The following DPY19L2 variants were observed in gnomAD, a reference collection of about 807,000 sequenced individuals.
DPY19L2 encodes the protein dpy-19 like 2.
DPY19L2 carries 34 observed loss-of-function variants against 97.9 expected under a neutral mutation model. The ratio of observed to expected loss-of-function variants is 0.35; its 90% CI spans 0.26 to 0.46. The LOEUF is 0.46. Among genes scored for constraint, DPY19L2 ranks in the 20% least tolerant of loss-of-function variants. The pLI, the probability that DPY19L2 is intolerant of heterozygous loss-of-function variation, is 1.00. For missense variants in DPY19L2, 623 were observed against 911.4 expected (o/e 0.68, Z 4.07); for synonymous variants, 230 against 307.9 (o/e 0.75, Z 2.65).
rs1233578196 is a variant in DPY19L2 at position 63,631,791 on chromosome 12, A to T, written c.804-5265T>A. Among the ~76,000 whole-genome samples the T allele has an allele frequency of 2.2e-4, 34 of 152,246 alleles. 1 individual carries two copies. The highest frequency in any genetic ancestry group is 6.7e-4 in the African/African-American group (28 of 41,562). Reference sequence around the variant, plus strand: ...GAGAATTTTAGACCAATATCCCTGAAGAACATTAATGCAAAATTCCTCAAT... The same window carrying T: ...GAGAATTTTAGACCAATATCCCTGATGAACATTAATGCAAAATTCCTCAAT... On this transcript the variant is annotated intron_variant, in intron 6 of 21. Transcript: ENST00000324472.
At chr12:63,595,053 C>T (rs1187168107) in intron 15 of DPY19L2, among the ~76,000 whole-genome samples, 1 of 152,146 alleles carries the variant, frequency 6.6e-6, no homozygotes, top group African/African-American at 2.4e-5. Context: ...AAGGGTGAAA[C>T]AACAGAGATG....
At chr12:63,653,880 CACA>C (rs1440134797) in intron 4 of DPY19L2, among the ~76,000 whole-genome samples, 1 of 151,852 alleles carries the variant, frequency 6.6e-6, no homozygotes, top group Non-Finnish European at 1.5e-5. Context: ...AACAAAATGG[CACA>C]ACACTTGCCG....
intron 19 of DPY19L2, among the ~76,000 whole-genome samples, chr12:63,576,899 C>G (rs1243549884): frequency 1.3e-5 from 2 of 152,012 alleles, no homozygotes; most frequent in African/African-American, 4.8e-5. Flanking sequence ...CCCCATCAAA[C>G]TACTAATGAT....
At chr12:63,594,242 T>C in intron 15 of DPY19L2, 109 bp from the exon 16 acceptor site, 1 of 838,880 alleles carries the variant, frequency 1.2e-6, no homozygotes, top group East Asian at 3.1e-5. Flanking sequence ...TATTTTTTAA[T>C]GTTTAAGGGA....
intron 4 of DPY19L2, among the ~76,000 whole-genome samples, chr12:63,652,598 A>G (rs141922153): frequency 0.018 from 2,724 of 152,316 alleles, 102 homozygotes; most frequent in African/African-American, 0.062. Flanking sequence ...CAGCCATTAT[A>G]AAGAACAAGA....
chr12:63,663,347 T>C (rs938588038), intron 3 of DPY19L2, among the ~76,000 whole-genome samples: 4 of 152,132 alleles, frequency 2.6e-5, no homozygotes, highest in African/African-American at 9.7e-5. Context: ...AAAAGTTATC[T>C]CTTAAAAGAG....
chr12:63,639,423 T>C (rs1892311723), intron 6 of DPY19L2, among the ~76,000 whole-genome samples: 1 of 152,044 alleles, frequency 6.6e-6, no homozygotes. Flanking sequence ...ACCTACAGAA[T>C]GGGAGAAAAT....
In DPY19L2 at chr12:63,627,803, CAG is replaced by C. The variant is rs573824006; in HGVS notation, c.804-1279_804-1278del. ...TAACACATTCTAAGCACCATGAGGACAGGGACAGGTTCTTTATCTGTCTTGTT... is the reference window on the plus strand; with the variant it reads ...TAACACATTCTAAGCACCATGAGGACGGACAGGTTCTTTATCTGTCTTGTT... On this transcript the variant is annotated intron_variant, in intron 6 of 21. Coordinates refer to ENST00000324472, the MANE Select transcript of DPY19L2 (RefSeq NM_173812.5). Among the ~76,000 whole-genome samples, 365 of 152,240 alleles carry C rather than the reference CAG, an allele frequency of 2.4e-3. 2 individuals are homozygous for C. Among genetic ancestry groups the C allele is most frequent in the African/African-American group, 8.6e-3 (357 of 41,538 alleles).
intron 15 of DPY19L2, among the ~76,000 whole-genome samples, chr12:63,594,648 GTGT>G (rs1883880929): frequency 3.9e-5 from 5 of 127,202 alleles, no homozygotes; most frequent in African/African-American, 1.6e-4. Context: ...GTGTGTGTGC[GTGT>G]CTGTGTGTGT....
intron 6 of DPY19L2, among the ~76,000 whole-genome samples, chr12:63,634,297 A>G (rs538335473): frequency 6.6e-6 from 1 of 152,284 alleles, no homozygotes; most frequent in South Asian, 2.1e-4. Flanking sequence ...AATGATGGTA[A>G]TAACATGTAA....
Position 63,668,476 on chromosome 12 carries a change from T to G in DPY19L2, c.-83A>C, listed in dbSNP as rs1592797363. The G allele has an allele frequency of 2.2e-6, 3 of 1,366,472 alleles. No homozygotes were observed. The highest frequency in any genetic ancestry group is 2.9e-6 in the Non-Finnish European group (3 of 1,030,102). The allele number at this position is 1,366,472 out of a possible 1,614,324, so 84.6% of individuals were successfully genotyped here. ...GAGGTCCAGAGAGACCTGACTCGCCTGGCAGCCTCAACGGACTTGTCCCCG... is the reference window on the plus strand; with the variant it reads ...GAGGTCCAGAGAGACCTGACTCGCCGGGCAGCCTCAACGGACTTGTCCCCG... On this transcript the variant is annotated 5_prime_UTR_variant, in exon 1 of 22. Transcript: ENST00000324472.
chr12:63,668,381 C>T lies in DPY19L2; in HGVS notation c.13G>A (p.Gly5Arg). The T allele has an allele frequency of 6.2e-7, 1 of 1,611,594 alleles. No individual in the cohort carries two copies. The highest frequency in any genetic ancestry group is 8.5e-7 in the Non-Finnish European group (1 of 1,179,136). The change falls in exon 1 of 22, where the codon GGA (glycine) becomes AGA (arginine). Residue 5 changes from glycine to arginine, a missense_variant. Transcript: ENST00000324472. ...GATTGCAGCCGCTTTGAGCTTACTC[C>T]TTGTTTTCTCATAATCAAGGAGTAT... MRKQ[G>R]VSSKRLQSSG... is the part of the protein sequence containing the mutation.
intron 4 of DPY19L2, among the ~76,000 whole-genome samples, chr12:63,657,260 G>T (rs1490496794): frequency 6.6e-6 from 1 of 152,134 alleles, no homozygotes; most frequent in Non-Finnish European, 1.5e-5. Flanking sequence ...GCTGGAGTTT[G>T]TTGCCGCTAT....
chr12:63,615,652 A>G (rs1434487059), intron 11 of DPY19L2, among the ~76,000 whole-genome samples: 1 of 152,208 alleles, frequency 6.6e-6, no homozygotes, highest in Non-Finnish European at 1.5e-5. Context: ...GATATGCAGG[A>G]AACTTGTAGC....
At chr12:63,596,621 A>G (rs971346202) in intron 14 of DPY19L2, among the ~76,000 whole-genome samples, 1 of 152,332 alleles carries the variant, frequency 6.6e-6, no homozygotes, top group Non-Finnish European at 1.5e-5. Context: ...ATGGATAACT[A>G]GTGGTCAATA....
chr12:63,592,915 T>A (rs955867128), intron 16 of DPY19L2, among the ~76,000 whole-genome samples: 2 of 151,380 alleles, frequency 1.3e-5, no homozygotes, highest in African/African-American at 4.9e-5. Flanking sequence ...ATATCCAGAA[T>A]CTACAATGAA....
At chr12:63,630,801 A>G (rs939447718) in intron 6 of DPY19L2, among the ~76,000 whole-genome samples, 8 of 152,140 alleles carry the variant, frequency 5.3e-5, no homozygotes, top group African/African-American at 1.4e-4. Context: ...TTCCAAAATT[A>G]ACCACATAGT....
chr12:63,576,118 G>A (rs553944822), intron 19 of DPY19L2, among the ~76,000 whole-genome samples: 5 of 151,896 alleles, frequency 3.3e-5, no homozygotes, highest in Non-Finnish European at 7.4e-5. Flanking sequence ...ATTTATCTCA[G>A]GGATGCAAAG....
At position 63,663,953 on chromosome 12, in the gene DPY19L2, A is replaced by AT. The variant is rs1239651299; in HGVS notation, c.363-109dup. 11 of 687,766 alleles carry AT rather than the reference A, an allele frequency of 1.6e-5. No homozygotes were observed. The East Asian group carries it at 3.6e-4, about 22-fold the overall frequency. 42.6% of individuals were successfully genotyped at this position (687,766 alleles called of 1,614,324 possible). A position where few individuals can be genotyped will look rare whatever the true frequency, so the allele number is the denominator to read the frequency against. On this transcript the variant is annotated intron_variant, in intron 2 of 21. Coordinates refer to ENST00000324472, the MANE Select transcript of DPY19L2 (RefSeq NM_173812.5). ...AAGAAAACAATAAATTGTTATATTAATTTTATAATTTGCTTACTAACTTGT... is the reference window on the plus strand; with the variant it reads ...AAGAAAACAATAAATTGTTATATTAATTTTTATAATTTGCTTACTAACTTGT...
Sources: gnomAD v4.1 joint callset for allele counts (sites outside exome capture counted in the v4.1 genomes callset) on GRCh38, gnomAD v4.1.1 for gene constraint, MANE v1.5 for transcripts, NCBI Gene and HGNC (gene_info 2026-07-23, HGNC 2026-07-21) for gene names.